SND1: variants seen among roughly 807,000 people sequenced by gnomAD.
SND1 encodes staphylococcal nuclease and tudor domain containing 1, also known as staphylococcal nuclease domain-containing protein 1.
Under a neutral mutation model 121.7 loss-of-function variants are expected in SND1, and 38 were observed. The observed-to-expected ratio is 0.31, with a 90% confidence interval of 0.24 to 0.41. The LOEUF (loss-of-function observed/expected upper bound fraction) is 0.41, where lower values mean the gene tolerates loss of function less well. SND1 is among the 10% of genes least tolerant of loss of function. The pLI is 1.00. For synonymous variants in SND1, 401 were observed against 447.4 expected (o/e 0.90, Z 1.31); for missense variants, 868 against 1,184.6 (o/e 0.73, Z 3.92).
At chr7:127,830,644 G>C (rs746966875) in intron 11 of SND1, among the ~76,000 whole-genome samples, 3 of 152,030 alleles carry the variant, frequency 2.0e-5, no homozygotes, top group Non-Finnish European at 4.4e-5. Context: ...TGTATCCAAT[G>C]ACCTTTTAAT....
intron 2 of SND1, among the ~76,000 whole-genome samples, chr7:127,691,386 C>CA (rs1291696948): frequency 1.3e-5 from 2 of 150,834 alleles, no homozygotes; most frequent in South Asian, 2.1e-4. Flanking sequence ...ACTAAAAATA[C>CA]AAAAAAAATT....
intron 16 of SND1, among the ~76,000 whole-genome samples, chr7:128,040,157 G>A (rs999135025): frequency 2.1e-4 from 20 of 96,264 alleles, no homozygotes; most frequent in African/African-American, 6.6e-4. Context: ...GGGAGCCCAG[G>A]CTACCTGGGT....
chr7:127,733,092 T>C (rs1026013262), intron 10 of SND1, among the ~76,000 whole-genome samples: 1 of 152,184 alleles, frequency 6.6e-6, no homozygotes, highest in Non-Finnish European at 1.5e-5. Context: ...ACTTTCTCTC[T>C]CTCTCTTCCC....
intron 14 of SND1, among the ~76,000 whole-genome samples, chr7:127,921,450 T>C (rs1800703757): frequency 6.6e-6 from 1 of 152,198 alleles, no homozygotes; most frequent in South Asian, 2.1e-4. Flanking sequence ...GTGGTTAATT[T>C]TGAACTTGAT....
intron 11 of SND1, among the ~76,000 whole-genome samples, chr7:127,842,083 A>G (rs1048950237): frequency 3.3e-5 from 5 of 152,148 alleles, no homozygotes; most frequent in Admixed American, 2.0e-4. Flanking sequence ...CCAGATTTCC[A>G]TGTTCATTTT....
chr7:127,784,015 C>T (rs1311622049), intron 10 of SND1, among the ~76,000 whole-genome samples: 2 of 152,088 alleles, frequency 1.3e-5, no homozygotes, highest in Non-Finnish European at 2.9e-5. Flanking sequence ...ATAAAGAAAA[C>T]GAAGTGAACA....
At chr7:127,937,900 GC>G (rs777308185) in intron 15 of SND1, among the ~76,000 whole-genome samples, 6 of 152,224 alleles carry the variant, frequency 3.9e-5, no homozygotes, top group Non-Finnish European at 7.3e-5. Flanking sequence ...TCACAGAGGT[GC>G]TAATGAATCA....
At chr7:127,713,156 C>T (rs1796325853) in intron 9 of SND1, among the ~76,000 whole-genome samples, 1 of 152,178 alleles carries the variant, frequency 6.6e-6, no homozygotes, top group Admixed American at 6.5e-5. Flanking sequence ...CTACTGAACC[C>T]TGCCATGGTA....
Position 127,942,910 on chromosome 7 carries a change from G to A in SND1, c.1669+13581G>A, listed in dbSNP as rs564693005. On this transcript the variant is annotated intron_variant, in intron 15 of 23. Transcript: ENST00000354725. ...ATTCAGAACCTGATCCCTTTAAGGAGTCTCATTGCTGCACATGGCATATTA... is the reference window on the plus strand; with the variant it reads ...ATTCAGAACCTGATCCCTTTAAGGAATCTCATTGCTGCACATGGCATATTA... Among the ~76,000 whole-genome samples, 4 of 152,276 alleles carry A rather than the reference G, an allele frequency of 2.6e-5. No homozygotes were observed. The South Asian group carries it at 8.3e-4, about 32-fold the overall frequency.
At chr7:127,843,718 G>T (rs1799006352) in intron 11 of SND1, among the ~76,000 whole-genome samples, 1 of 152,162 alleles carries the variant, frequency 6.6e-6, no homozygotes, top group Non-Finnish European at 1.5e-5. Context: ...CAGGTTTTGT[G>T]TATGTTTTCA....
intron 15 of SND1, among the ~76,000 whole-genome samples, chr7:127,976,399 G>T (rs1802121505): frequency 6.6e-6 from 1 of 152,246 alleles, no homozygotes; most frequent in South Asian, 2.1e-4. Flanking sequence ...CCAGATGCGG[G>T]TCTGTTGGGT....
chr7:127,821,306 G>C (rs1045574907), intron 11 of SND1, among the ~76,000 whole-genome samples: 1 of 152,144 alleles, frequency 6.6e-6, no homozygotes, highest in African/African-American at 2.4e-5. Context: ...TAGCATGCGG[G>C]GTGCTTGGCC....
chr7:127,785,687 C>T (rs1797800217), intron 10 of SND1, among the ~76,000 whole-genome samples: 2 of 152,158 alleles, frequency 1.3e-5, no homozygotes. Context: ...TGAATGCTTT[C>T]TCATAGTTAT....
At chr7:128,005,303 CT>C (rs1231196528) in intron 16 of SND1, among the ~76,000 whole-genome samples, 2 of 152,324 alleles carry the variant, frequency 1.3e-5, no homozygotes, top group Admixed American at 6.5e-5. Context: ...AGAAAGGGCT[CT>C]TCATGCCACA....
chr7:127,737,460 A>C (rs1025128471), intron 10 of SND1, among the ~76,000 whole-genome samples: 1 of 152,190 alleles, frequency 6.6e-6, no homozygotes, highest in Admixed American at 6.5e-5. Context: ...CTGTAATCCT[A>C]GCTACTTGGG....
At chr7:127,815,294 G>A (rs906422811) in intron 11 of SND1, among the ~76,000 whole-genome samples, 1 of 152,036 alleles carries the variant, frequency 6.6e-6, no homozygotes, top group Non-Finnish European at 1.5e-5. Flanking sequence ...ACTGGATTAT[G>A]ATGGACCCTA....
chr7:127,808,353 C>T (rs1004852354), intron 11 of SND1, among the ~76,000 whole-genome samples: 6 of 151,812 alleles, frequency 4.0e-5, no homozygotes, highest in Admixed American at 6.6e-5. Context: ...TTGGTCGAGA[C>T]GGAGTTTCAC....
chr7:127,846,059 G>C (rs1799056102), intron 12 of SND1, among the ~76,000 whole-genome samples: 1 of 152,136 alleles, frequency 6.6e-6, no homozygotes, highest in South Asian at 2.1e-4. Flanking sequence ...GTAGCTGTCT[G>C]TTCTAGTCTG....
intron 13 of SND1, among the ~76,000 whole-genome samples, chr7:127,889,823 G>A (rs1012285637): frequency 7.2e-5 from 11 of 152,110 alleles, no homozygotes; most frequent in Middle Eastern, 3.4e-3. Context: ...ATGACCTCCA[G>A]TTCCATCCAT....
Sources: allele counts gnomAD v4.1 joint callset (sites outside exome capture counted in the v4.1 genomes callset), GRCh38; gene constraint gnomAD v4.1.1; transcripts MANE v1.5; gene names NCBI Gene and HGNC (gene_info 2026-07-23, HGNC 2026-07-21).